FHIT: variants seen among roughly 807,000 people sequenced by gnomAD.
FHIT encodes the protein fragile histidine triad diadenosine triphosphatase.
FHIT carries 19 observed loss-of-function variants against 17.9 expected under a neutral mutation model. The ratio of observed to expected loss-of-function variants is 1.06; its 90% CI spans 0.74 to 1.56. The LOEUF (loss-of-function observed/expected upper bound fraction) is 1.56, where lower values mean the gene tolerates loss of function less well. Among genes scored for constraint, FHIT ranks in the 40% most tolerant of loss-of-function variants. The probability of loss-of-function intolerance (pLI) is 0.00; values close to 1 mark genes in which losing one functional copy is unlikely to be tolerated. For missense variants in FHIT, 248 were observed against 189.2 expected (o/e 1.31, Z -1.82); for synonymous variants, 81 against 69.7 (o/e 1.16, Z -0.81).
At chr3:60,009,008 T>G (rs983718714) in intron 7 of FHIT, among the ~76,000 whole-genome samples, 1 of 152,210 alleles carries the variant, frequency 6.6e-6, no homozygotes, top group Non-Finnish European at 1.5e-5. Context: ...GAATAAGAAC[T>G]GAGAATCAAC....
chr3:59,830,241 T>G (rs967245530), intron 8 of FHIT, among the ~76,000 whole-genome samples: 7 of 152,240 alleles, frequency 4.6e-5, no homozygotes, highest in African/African-American at 7.2e-5. Flanking sequence ...ACATAAATGC[T>G]GAGTACAAAT....
intron 4 of FHIT, among the ~76,000 whole-genome samples, chr3:60,741,182 G>T (rs140794030): frequency 1.3e-5 from 2 of 152,180 alleles, no homozygotes; most frequent in Non-Finnish European, 2.9e-5. Flanking sequence ...AGCATTCTGG[G>T]GTGGGAGGAA....
intron 8 of FHIT, among the ~76,000 whole-genome samples, chr3:59,823,267 C>T (rs1050904159): frequency 2.0e-5 from 3 of 152,076 alleles, no homozygotes; most frequent in African/African-American, 7.2e-5. Flanking sequence ...CTTGCTTTGG[C>T]TATGTGGGCT....
At chr3:61,117,989 T>A (rs1006591101) in intron 2 of FHIT, among the ~76,000 whole-genome samples, 1 of 152,160 alleles carries the variant, frequency 6.6e-6, no homozygotes, top group African/African-American at 2.4e-5. Flanking sequence ...ATTAAATACT[T>A]TTATTTACTC....
chr3:60,992,937 C>T (rs1490439054), intron 3 of FHIT, among the ~76,000 whole-genome samples: 2 of 152,070 alleles, frequency 1.3e-5, no homozygotes, highest in Admixed American at 1.3e-4. Flanking sequence ...GAACAGGATC[C>T]GAATGGATTC....
chr3:60,235,294 G>T (rs548455841), intron 5 of FHIT, among the ~76,000 whole-genome samples: 22 of 149,724 alleles, frequency 1.5e-4, no homozygotes, highest in African/African-American at 5.4e-4. Context: ...GCAATGGCGT[G>T]GTCTCGGCTC....
chr3:59,989,480 T>C (rs1030653140), intron 7 of FHIT, among the ~76,000 whole-genome samples: 1 of 152,030 alleles, frequency 6.6e-6, no homozygotes, highest in African/African-American at 2.4e-5. Flanking sequence ...GAAGTGACCA[T>C]GGGAAGACAA....
chr3:60,129,102 G>C (rs1699406408), intron 5 of FHIT, among the ~76,000 whole-genome samples: 3 of 132,396 alleles, frequency 2.3e-5, no homozygotes, highest in Middle Eastern at 4.5e-3. Context: ...GCCCAGACTG[G>C]AGTGCAGTGG....
chr3:60,145,356 C>G (rs1156765835), intron 5 of FHIT, among the ~76,000 whole-genome samples: 1 of 152,140 alleles, frequency 6.6e-6, no homozygotes, highest in Non-Finnish European at 1.5e-5. Context: ...TGGGCTTGTA[C>G]ATTATTCTAC....
At chr3:59,813,719 T>G (rs1415935763) in intron 8 of FHIT, among the ~76,000 whole-genome samples, 1 of 152,116 alleles carries the variant, frequency 6.6e-6, no homozygotes, top group Non-Finnish European at 1.5e-5. Context: ...AAGCTTGTCT[T>G]CCCCACCAAA....
At chr3:60,635,680 T>G (rs887344153) in intron 4 of FHIT, among the ~76,000 whole-genome samples, 1 of 152,024 alleles carries the variant, frequency 6.6e-6, no homozygotes, top group South Asian at 2.1e-4. Context: ...CTCAGAGGAG[T>G]GAAGCCACTT....
chr3:60,323,003 A>G (rs1209521054), intron 5 of FHIT, among the ~76,000 whole-genome samples: 2 of 152,224 alleles, frequency 1.3e-5, no homozygotes, highest in South Asian at 2.1e-4. Flanking sequence ...GAAATGTAAG[A>G]TTCACTATTT....
At chr3:60,080,634 C>A (rs9829623) in intron 5 of FHIT, among the ~76,000 whole-genome samples, 1 of 151,904 alleles carries the variant, frequency 6.6e-6, no homozygotes, top group African/African-American at 2.4e-5. Flanking sequence ...GGAGACTGCA[C>A]GAAATTGCCA....
intron 3 of FHIT, among the ~76,000 whole-genome samples, chr3:60,987,747 G>T (rs985253551): frequency 3.9e-5 from 6 of 152,156 alleles, no homozygotes; most frequent in Non-Finnish European, 7.3e-5. Flanking sequence ...TAAGTCCCCA[G>T]TTTAGCTTAG....
chr3:59,968,182 C>A (rs1318339710), intron 7 of FHIT, among the ~76,000 whole-genome samples: 1 of 152,066 alleles, frequency 6.6e-6, no homozygotes, highest in African/African-American at 2.4e-5. Flanking sequence ...GGCAAACTTT[C>A]TTTAGGCTGT....
chr3:61,045,090 C>T (rs2033718091), intron 2 of FHIT, among the ~76,000 whole-genome samples: 2 of 152,154 alleles, frequency 1.3e-5, no homozygotes, highest in African/African-American at 4.8e-5. Context: ...AGCCAAATAA[C>T]CAGCTAACAT....
intron 5 of FHIT, among the ~76,000 whole-genome samples, chr3:60,428,082 TC>T (rs1386565310): frequency 6.6e-6 from 1 of 152,134 alleles, no homozygotes; most frequent in African/African-American, 2.4e-5. Context: ...AAACCTTAGT[TC>T]AAAATCTCTA....
intron 5 of FHIT, among the ~76,000 whole-genome samples, chr3:60,325,713 A>G (rs1709660265): frequency 6.6e-6 from 1 of 152,236 alleles, no homozygotes; most frequent in Non-Finnish European, 1.5e-5. Context: ...AGGATTTACA[A>G]TACAGAGTCA....
chr3:60,638,837 A>G (rs1383030200), intron 4 of FHIT, among the ~76,000 whole-genome samples: 5 of 151,794 alleles, frequency 3.3e-5, no homozygotes, highest in Non-Finnish European at 7.4e-5. Flanking sequence ...TGTGAATGGC[A>G]TATCTTCTCA....
Sources: gnomAD v4.1 joint callset for allele counts (sites outside exome capture counted in the v4.1 genomes callset) on GRCh38, gnomAD v4.1.1 for gene constraint, MANE v1.5 for transcripts, NCBI Gene and HGNC (gene_info 2026-07-23, HGNC 2026-07-21) for gene names.